CFAP46: variants seen among roughly 807,000 people sequenced by gnomAD.
CFAP46 encodes cilia and flagella associated protein 46.
CFAP46 carries 245 observed loss-of-function variants against 325.7 expected under a neutral mutation model. The observed-to-expected ratio is 0.75, with a 90% confidence interval of 0.68 to 0.84. The LOEUF (loss-of-function observed/expected upper bound fraction) is 0.84. Ranked by LOEUF, CFAP46 falls within the 40% of genes least tolerant of loss-of-function variation. The pLI is 0.00. For synonymous variants in CFAP46, 1,523 were observed against 1,495.9 expected, an observed-to-expected ratio of 1.02 and a Z score of -0.42; for missense variants, 3,346 against 3,543.0, an observed-to-expected ratio of 0.94 and a Z score of 1.41.
At chr10:132,892,021 G>A (rs540623738) in intron 25 of CFAP46, among the ~76,000 whole-genome samples, 2 of 152,250 alleles carry the variant, frequency 1.3e-5, no homozygotes, top group Non-Finnish European at 1.5e-5. Context: ...GCTGTGTCAC[G>A]GGTCATGCTC....
rs1442159343 is a variant in CFAP46 at position 132,852,809 on chromosome 10, T to C, written c.5575-1504A>G. On this transcript the variant is annotated intron_variant, in intron 39 of 57. Coordinates refer to ENST00000368586, the MANE Select transcript of CFAP46 (RefSeq NM_001200049.3). ...CTCACATTTTTGGGACAGATTTCATTTTTAAATGCTGTCATAAAATTGTTT... is the reference window on the plus strand; with the variant it reads ...CTCACATTTTTGGGACAGATTTCATCTTTAAATGCTGTCATAAAATTGTTT... 3.3e-5 allele frequency among the ~76,000 whole-genome samples: 5 copies of C among 152,236 alleles called. No homozygotes were observed. In the East Asian group the frequency reaches 9.6e-4, roughly 29 times the overall value.
chr10:132,816,689 T>C (rs1246215660), intron 50 of CFAP46, among the ~76,000 whole-genome samples: 4 of 152,224 alleles, frequency 2.6e-5, no homozygotes, highest in African/African-American at 7.2e-5. Flanking sequence ...CTTTTCCTAT[T>C]CTGACGTTGG....
intron 17 of CFAP46, among the ~76,000 whole-genome samples, chr10:132,914,006 C>G (rs903709163): frequency 6.6e-6 from 1 of 152,196 alleles, no homozygotes; most frequent in African/African-American, 2.4e-5. Flanking sequence ...CCCCGCTCAC[C>G]CCTGCAAACC....
chr10:132,909,447 C>T (rs1197835008), intron 20 of CFAP46, among the ~76,000 whole-genome samples: 1 of 152,250 alleles, frequency 6.6e-6, no homozygotes, highest in East Asian at 1.9e-4. Flanking sequence ...GTCCGTGCGG[C>T]CCCCATGTGT....
At chr10:132,929,664 A>T (rs758706634) in intron 9 of CFAP46, 41 bp downstream of exon 9, 1 of 1,550,626 alleles carries the variant, frequency 6.4e-7, no homozygotes, top group South Asian at 1.1e-5. Context: ...CACGGTGAGC[A>T]GCGCCTCATC....
intron 22 of CFAP46, among the ~76,000 whole-genome samples, chr10:132,903,249 C>T (rs1010363631): frequency 6.0e-5 from 9 of 150,766 alleles, no homozygotes; most frequent in South Asian, 2.1e-4. Flanking sequence ...ATCTTGTCAG[C>T]GTACAGACCC....
Position 132,942,467 on chromosome 10 carries a change from C to A in CFAP46, c.18G>T (p.Thr6=). 3.2e-6 allele frequency: 4 copies of A among 1,250,884 alleles called. No homozygotes were observed. Among genetic ancestry groups the A allele is most frequent in the Non-Finnish European group, 4.0e-6 (4 of 1,009,954 alleles). 77.5% of individuals were successfully genotyped at this position (1,250,884 alleles called of 1,614,324 possible). The change falls in exon 1 of 58, where the codon ACG becomes ACT. Residue 6 remains threonine (T), a synonymous_variant. Transcript: ENST00000368586. Reference sequence around the variant, plus strand: ...GGCTCTCGGCGCGGGCCAGCTCCTGCGTGATGACCAGGTCCATGGCGCCGG... The same window carrying A: ...GGCTCTCGGCGCGGGCCAGCTCCTGAGTGATGACCAGGTCCATGGCGCCGG... The part of the protein sequence containing the change: MDLVI[T]QELARAESQQ...
intron 44 of CFAP46, among the ~76,000 whole-genome samples, chr10:132,842,718 TGAG>T (rs914324043): frequency 4.6e-5 from 7 of 152,210 alleles, no homozygotes; most frequent in Non-Finnish European, 8.8e-5. Context: ...TTCTGGAGGC[TGAG>T]AAGTCCAAGG....
In CFAP46 at chr10:132,869,179, T is replaced by C; in HGVS notation, c.4610+95A>G. 2 of 1,008,568 alleles carry C rather than the reference T, an allele frequency of 2.0e-6. No individual in the cohort carries two copies. The highest frequency in any genetic ancestry group is 1.8e-5 in the South Asian group (1 of 54,562). The allele number at this position is 1,008,568 out of a possible 1,614,324, so 62.5% of individuals were successfully genotyped here. On this transcript the variant is annotated intron_variant, in intron 33 of 57. Transcript: ENST00000368586. This position sits in a 1 kb window ranked among gnomAD's most constrained non-coding sequence, Gnocchi z 6.2. ...CTCACTCTCCCCAGAGGGGCAGGAG[T>C]CCAGGGAAGAGGGTGGCCGCGCAGC...
At position 132,877,762 on chromosome 10, in the gene CFAP46, C is replaced by A; in HGVS notation, c.4212+119G>T. On this transcript the variant is annotated intron_variant, in intron 30 of 57. Coordinates refer to ENST00000368586, the MANE Select transcript of CFAP46 (RefSeq NM_001200049.3). The surrounding 1 kb of genome is among the most constrained non-coding windows in gnomAD (Gnocchi z 5.7). ...AGGGAAACTGAGGCACAGGCCATCC[C>A]GGGCCCGGCCTCTGCACTGAGGCCG... 1 of 1,041,288 alleles carries A rather than the reference C, an allele frequency of 9.6e-7. No homozygotes were observed. Among genetic ancestry groups the A allele is most frequent in the Non-Finnish European group, 1.4e-6 (1 of 721,434 alleles). 64.5% of individuals were successfully genotyped at this position (1,041,288 alleles called of 1,614,324 possible). A position where few individuals can be genotyped will look rare whatever the true frequency, so the allele number is the denominator to read the frequency against.
chr10:132,898,977 CTTG>C lies in CFAP46; in HGVS notation c.3198_3200del (p.Asn1066del), dbSNP rs1564794183. The C allele has an allele frequency of 1.3e-6, 2 of 1,550,582 alleles. No individual in the cohort carries two copies. The highest frequency in any genetic ancestry group is 1.7e-4 in the Middle Eastern group (1 of 5,992). On this transcript the variant is annotated inframe_deletion, in exon 24 of 58. Coordinates refer to ENST00000368586, the MANE Select transcript of CFAP46 (RefSeq NM_001200049.3). ...GGTGCACCTGCTTTCTGGCCTCTGT[CTTG>C]TTGATGATGCCGATGAGCCTCTTCA...
At chr10:132,837,008 G>C (rs1848261840) in intron 44 of CFAP46, 94 bp from the exon 45 acceptor site, 1 of 978,908 alleles carries the variant, frequency 1.0e-6, no homozygotes, top group Admixed American at 1.9e-5. Context: ...TCGTGGCAGA[G>C]CCACGGCGGG....
In CFAP46 at chr10:132,846,200, C is replaced by G; in HGVS notation, c.6295G>C (p.Asp2099His). The G allele has an allele frequency of 1.2e-6, 2 of 1,612,036 alleles. No homozygotes were observed. The highest frequency in any genetic ancestry group is 1.7e-6 in the Non-Finnish European group (2 of 1,179,660). ...QSCSASETMRDVLLAATANTS... is the reference protein window; with the variant it reads ...QSCSASETMRHVLLAATANTS... ...TTGGCTGTGGCTGCAAGCAGGACAT[C>G]CCTCATCGTCTCTGAGGCCGAGCAG... is the stretch of plus-strand genomic sequence containing the variant. Residue 2099 changes from aspartate to histidine, a missense_variant, in exon 44 of 58, where the codon GAT becomes CAT. Asp to His is a moderately conservative substitution (Grantham distance 81, BLOSUM62 -1). Coordinates refer to ENST00000368586, the MANE Select transcript of CFAP46 (RefSeq NM_001200049.3).
rs142682760 is a variant in CFAP46, at chr10:132,827,198, C to G, written c.7117+6160G>C. ...CATGCAGGGCAGACACAACCCCACACGGTGCTCGTCAGGGGAAGGCAGGAG... is the reference window on the plus strand; with the variant it reads ...CATGCAGGGCAGACACAACCCCACAGGGTGCTCGTCAGGGGAAGGCAGGAG... On this transcript the variant is annotated intron_variant, in intron 50 of 57. Transcript: ENST00000368586. This position sits in a 1 kb window ranked among gnomAD's most constrained non-coding sequence, Gnocchi z 5.7. 6.6e-6 allele frequency among the ~76,000 whole-genome samples: 1 copy of G among 152,064 alleles called. No homozygotes were observed. The highest frequency in any genetic ancestry group is 2.4e-5 in the African/African-American group (1 of 41,414).
Position 132,832,396 on chromosome 10 carries a change from C to G in CFAP46, c.7117+962G>C, listed in dbSNP as rs549980933. ...ACCCCTGGGCTCTTCCTGCCCCCCC[C>G]CCCCAATGCTGTGGCCTGGAAATTC... is the stretch of plus-strand genomic sequence containing the variant. On this transcript the variant is annotated intron_variant, in intron 50 of 57. Coordinates refer to ENST00000368586, the MANE Select transcript of CFAP46 (RefSeq NM_001200049.3). The surrounding 1 kb of genome is among the most constrained non-coding windows in gnomAD (Gnocchi z 4.1). 1.3e-4 allele frequency among the ~76,000 whole-genome samples: 18 copies of G among 142,312 alleles called. 1 individual carries two copies. In the East Asian group the frequency reaches 1.5e-3, roughly 12 times the overall value. The allele number at this position is 142,312 out of a possible 152,430, so 93.4% of individuals were successfully genotyped here.
chr10:132,938,816 C>A, intron 4 of CFAP46, 63 bp from the exon 5 acceptor site: 1 of 1,519,766 alleles, frequency 6.6e-7, no homozygotes, highest in Non-Finnish European at 8.9e-7. Context: ...AGCTGCAGAA[C>A]CAAGGGGCCG....
chr10:132,808,927 T>C lies in CFAP46; in HGVS notation c.7665-23A>G, dbSNP rs763701795. Reference sequence around the variant, plus strand: ...CGTCTGTGGAGAAAGGGGCGGGAGCTATGAACCCCGAGGCCCCGCAGGACG... The same window carrying C: ...CGTCTGTGGAGAAAGGGGCGGGAGCCATGAACCCCGAGGCCCCGCAGGACG... On this transcript the variant is annotated intron_variant, in intron 57 of 57. Coordinates refer to ENST00000368586, the MANE Select transcript of CFAP46 (RefSeq NM_001200049.3). This position sits in a 1 kb window ranked among gnomAD's most constrained non-coding sequence, Gnocchi z 6.8. The C allele has an allele frequency of 2.6e-6, 4 of 1,547,638 alleles. No homozygotes were observed. In the East Asian group the frequency reaches 9.1e-5, roughly 35 times the overall value.
intron 19 of CFAP46, among the ~76,000 whole-genome samples, chr10:132,912,068 G>T (rs917013236): frequency 1.3e-5 from 2 of 151,922 alleles, no homozygotes; most frequent in Non-Finnish European, 2.9e-5. Flanking sequence ...TCCAGCTACA[G>T]GTCTGCAGGG....
At chr10:132,879,791 C>G (rs1277744301) in intron 28 of CFAP46, among the ~76,000 whole-genome samples, 160 bp from the exon 29 acceptor site, 2 of 152,166 alleles carry the variant, frequency 1.3e-5, no homozygotes, top group Non-Finnish European at 1.5e-5. Flanking sequence ...GGAAGAGTCA[C>G]GTGTTGTACT....
Sources: gnomAD v4.1 joint callset for allele counts (sites outside exome capture counted in the v4.1 genomes callset) on GRCh38, gnomAD v4.1.1 for gene constraint, Gnocchi (gnomAD v3.1) non-coding constraint, MANE v1.5 for transcripts, NCBI Gene and HGNC (gene_info 2026-07-23, HGNC 2026-07-21) for gene names.